DPYD: variants seen among roughly 807,000 people sequenced by gnomAD.
The protein encoded by DPYD is dihydropyrimidine dehydrogenase.
In DPYD, 109 loss-of-function variants were observed where a neutral mutation model predicts 116.2. That is an observed-to-expected ratio of 0.94 (90% CI 0.80 to 1.10). DPYD has a LOEUF of 1.10. Ranked by LOEUF, DPYD falls within the 50% of genes least tolerant of loss-of-function variation. DPYD has a pLI of 0.00. For synonymous variants in DPYD, 440 were observed against 432.0 expected, an observed-to-expected ratio of 1.02 and a Z score of -0.23; for missense variants, 1,302 against 1,254.5, an observed-to-expected ratio of 1.04 and a Z score of -0.57.
intron 16 of DPYD, among the ~76,000 whole-genome samples, chr1:97,322,242 AAT>A (rs1423500975): frequency 1.3e-4 from 19 of 150,284 alleles, no homozygotes; most frequent in East Asian, 6.0e-4. Context: ...AATAAAAAAA[AAT>A]AATAAATAAA....
At chr1:97,858,215 G>T (rs1330910439) in intron 2 of DPYD, among the ~76,000 whole-genome samples, 4 of 152,044 alleles carry the variant, frequency 2.6e-5, no homozygotes, top group Non-Finnish European at 4.4e-5. Context: ...GAATCTGTAA[G>T]ATAATATTTT....
chr1:97,423,358 G>A (rs190529183), intron 14 of DPYD, among the ~76,000 whole-genome samples: 1 of 152,112 alleles, frequency 6.6e-6, no homozygotes, highest in Non-Finnish European at 1.5e-5. Flanking sequence ...GTGGAAAGAG[G>A]GGTGTGATTA....
At chr1:97,880,929 CTGGT>C (rs1170566832) in intron 2 of DPYD, among the ~76,000 whole-genome samples, 1 of 151,970 alleles carries the variant, frequency 6.6e-6, no homozygotes, top group African/African-American at 2.4e-5. Context: ...CCATGACCCA[CTGGT>C]TGGAATTCAG....
At chr1:97,893,951 C>T (rs1279530224) in intron 1 of DPYD, among the ~76,000 whole-genome samples, 1 of 151,808 alleles carries the variant, frequency 6.6e-6, no homozygotes, top group Non-Finnish European at 1.5e-5. Flanking sequence ...ATATTAACCT[C>T]ACAATTCTTA....
At chr1:97,563,564 A>G (rs959698188) in intron 11 of DPYD, among the ~76,000 whole-genome samples, 3 of 152,212 alleles carry the variant, frequency 2.0e-5, no homozygotes, top group South Asian at 4.1e-4. Flanking sequence ...TGATTTATCC[A>G]CTGTCTCCCT....
At chr1:97,907,711 G>A (rs938109786) in intron 1 of DPYD, among the ~76,000 whole-genome samples, 5 of 151,480 alleles carry the variant, frequency 3.3e-5, no homozygotes, top group Admixed American at 6.6e-5. Flanking sequence ...CCTTCCTTAC[G>A]TTCTTTGTCC....
intron 19 of DPYD, among the ~76,000 whole-genome samples, chr1:97,213,210 T>A (rs1195843650): frequency 1.3e-5 from 2 of 152,096 alleles, no homozygotes; most frequent in Non-Finnish European, 2.9e-5. Context: ...TATTCCAACA[T>A]ATACATTTTG....
chr1:97,744,059 G>A (rs143797965), intron 3 of DPYD, among the ~76,000 whole-genome samples: 11 of 151,858 alleles, frequency 7.2e-5, no homozygotes, highest in South Asian at 2.1e-4. Context: ...TGAATTTGTC[G>A]AAGAGCAAAA....
chr1:97,292,509 T>C (rs1201214177), intron 18 of DPYD, among the ~76,000 whole-genome samples: 1 of 152,176 alleles, frequency 6.6e-6, no homozygotes, highest in Non-Finnish European at 1.5e-5. Flanking sequence ...ATGATTCAAT[T>C]ACCTGCCATT....
chr1:97,397,149 G>C (rs563356842), intron 14 of DPYD, among the ~76,000 whole-genome samples: 19 of 151,844 alleles, frequency 1.3e-4, no homozygotes, highest in Non-Finnish European at 2.6e-4. Context: ...TAAACCTTCC[G>C]TTTCATCCCT....
At chr1:97,875,016 A>G (rs1671839739) in intron 2 of DPYD, among the ~76,000 whole-genome samples, 1 of 151,978 alleles carries the variant, frequency 6.6e-6, no homozygotes, top group African/African-American at 2.4e-5. Context: ...GGCAAGTACC[A>G]CAATGACATA....
At chr1:97,656,497 T>C (rs1490754943) in intron 8 of DPYD, among the ~76,000 whole-genome samples, 2 of 152,186 alleles carry the variant, frequency 1.3e-5, no homozygotes, top group South Asian at 2.1e-4. Flanking sequence ...GGTTCAGTAG[T>C]ACACATTATG....
intron 6 of DPYD, among the ~76,000 whole-genome samples, chr1:97,698,603 G>A (rs1026848691): frequency 1.2e-4 from 18 of 151,870 alleles, no homozygotes; most frequent in African/African-American, 4.1e-4. Context: ...GATACATTTT[G>A]TAATCCATGA....
chr1:97,248,993 G>A (rs534531993), intron 18 of DPYD, among the ~76,000 whole-genome samples: 1 of 151,934 alleles, frequency 6.6e-6, no homozygotes, highest in East Asian at 1.9e-4. Flanking sequence ...TAGACTTGTT[G>A]ACTCAATACT....
intron 16 of DPYD, among the ~76,000 whole-genome samples, chr1:97,343,070 A>C (rs1669662548): frequency 6.6e-6 from 1 of 152,170 alleles, no homozygotes; most frequent in African/African-American, 2.4e-5. Flanking sequence ...GAATCAGTAC[A>C]TTTCCTTAAT....
At chr1:97,558,558 G>A (rs1457611796) in intron 11 of DPYD, among the ~76,000 whole-genome samples, 2 of 152,090 alleles carry the variant, frequency 1.3e-5, no homozygotes, top group African/African-American at 4.8e-5. Context: ...TTTTCCTACT[G>A]CTATGGTTAG....
chr1:97,810,816 T>C (rs907883075), intron 3 of DPYD, among the ~76,000 whole-genome samples: 1 of 152,134 alleles, frequency 6.6e-6, no homozygotes, highest in East Asian at 1.9e-4. Context: ...ACTTACCTAG[T>C]ATACGAAATA....
At chr1:97,612,324 G>C (rs1197397012) in intron 8 of DPYD, among the ~76,000 whole-genome samples, 2 of 151,882 alleles carry the variant, frequency 1.3e-5, no homozygotes, top group African/African-American at 4.8e-5. Flanking sequence ...CAGAAATGTT[G>C]GTGCATGCCT....
At chr1:97,832,087 G>GTGTGTGTA (rs1435427800) in intron 2 of DPYD, among the ~76,000 whole-genome samples, 1 of 149,138 alleles carries the variant, frequency 6.7e-6, no homozygotes, top group Non-Finnish European at 1.5e-5. Flanking sequence ...GTGTGTGTGT[G>GTGTGTGTA]TATTAATTAT....
Sources: gnomAD v4.1 joint callset for allele counts (sites outside exome capture counted in the v4.1 genomes callset) on GRCh38, gnomAD v4.1.1 for gene constraint, MANE v1.5 for transcripts, NCBI Gene and HGNC (gene_info 2026-07-23, HGNC 2026-07-21) for gene names.